Variants in CCDC63 observed in about 807,000 individuals in gnomAD.
CCDC63 encodes coiled-coil domain containing 63, also known as coiled-coil domain-containing protein 63.
In CCDC63, 54 loss-of-function variants were observed where a neutral mutation model predicts 63.6. That is an observed-to-expected ratio of 0.85 (90% CI 0.68 to 1.07). CCDC63 has a LOEUF of 1.07. Among genes scored for constraint, CCDC63 ranks in the 50% least tolerant of loss-of-function variants. The pLI is 0.00. For synonymous variants in CCDC63, 253 were observed against 266.1 expected (o/e 0.95, Z 0.48); for missense variants, 637 against 689.6 (o/e 0.92, Z 0.86).
intron 10 of CCDC63, among the ~76,000 whole-genome samples, chr12:110,901,444 C>T (rs913959283): frequency 6.6e-6 from 1 of 151,652 alleles, no homozygotes; most frequent in African/African-American, 2.4e-5. Context: ...CCCAGGCTGG[C>T]CTCGAACCCC....
chr12:110,875,360 G>A (rs2071117126), intron 5 of CCDC63, among the ~76,000 whole-genome samples: 1 of 152,180 alleles, frequency 6.6e-6, no homozygotes, highest in African/African-American at 2.4e-5. Context: ...TGCCTGGCAT[G>A]GTGTTTAATG....
At chr12:110,853,704 C>A in intron 3 of CCDC63, 130 bp downstream of exon 3, 1 of 947,840 alleles carries the variant, frequency 1.1e-6, no homozygotes, top group Non-Finnish European at 1.6e-6. Context: ...GGAGGATCCA[C>A]GGTCTTTTAT....
intron 4 of CCDC63, among the ~76,000 whole-genome samples, chr12:110,867,310 G>T (rs1270458135): frequency 3.0e-5 from 2 of 67,284 alleles, no homozygotes; most frequent in Admixed American, 1.5e-4. Flanking sequence ...GGGCAGAGGC[G>T]CCCCTCACCT....
At chr12:110,852,475 T>G (rs2070716275) in intron 1 of CCDC63, among the ~76,000 whole-genome samples, 1 of 152,150 alleles carries the variant, frequency 6.6e-6, no homozygotes. Flanking sequence ...TTGACCAGGC[T>G]GGTATCGAAC....
intron 5 of CCDC63, 97 bp downstream of exon 5, chr12:110,874,058 T>TAA: frequency 6.9e-7 from 1 of 1,456,430 alleles, no homozygotes; most frequent in Non-Finnish European, 9.2e-7. Flanking sequence ...AACATACCCA[T>TAA]TTCCCTGGTT....
intron 5 of CCDC63, among the ~76,000 whole-genome samples, chr12:110,877,895 T>A (rs537980466): frequency 9.2e-5 from 14 of 151,488 alleles, no homozygotes; most frequent in African/African-American, 3.2e-4. Flanking sequence ...TTAGTAGAGA[T>A]GGGGTTTCAC....
At position 110,907,048 on chromosome 12, in the gene CCDC63, T is replaced by C. The variant is rs949777575; in HGVS notation, c.1547-283T>C. Among the ~76,000 whole-genome samples, 13 of 152,190 alleles carry C rather than the reference T, an allele frequency of 8.5e-5. No individual in the cohort carries two copies. The highest frequency in any genetic ancestry group is 3.1e-4 in the African/African-American group (13 of 41,440). On this transcript the variant is annotated intron_variant, in intron 11 of 11. Coordinates refer to ENST00000308208, the MANE Select transcript of CCDC63 (RefSeq NM_152591.3). The surrounding 1 kb of genome is among the most constrained non-coding windows in gnomAD (Gnocchi z 4.4). ...GGATTTCAGCCCATCCATCTACCGC[T>C]CTCCTCAGGTGTCTTTGTGCAGTGC...
chr12:110,884,066 G>A lies in CCDC63; in HGVS notation c.890G>A (p.Gly297Glu). ...KAKKHVKKNR[G>E]ESFESYEVAH... Reference sequence around the variant, plus strand: ...AAGAAGCATGTCAAGAAGAACAGGGGAGAGAGTTTTGAGAGCTATGAGGTG... The same window carrying A: ...AAGAAGCATGTCAAGAAGAACAGGGAAGAGAGTTTTGAGAGCTATGAGGTG... Residue 297 changes from glycine to glutamate, a missense_variant, in exon 8 of 12, where the codon GGA (glycine) becomes GAA (glutamate). Physicochemically the swap from Gly to Glu is moderately conservative, Grantham distance 98. Coordinates refer to ENST00000308208, the MANE Select transcript of CCDC63 (RefSeq NM_152591.3). 6.2e-7 allele frequency: 1 copy of A among 1,614,170 alleles called. No individual in the cohort carries two copies. Among genetic ancestry groups the A allele is most frequent in the Non-Finnish European group, 8.5e-7 (1 of 1,180,018 alleles).
At chr12:110,853,993 A>G (rs1234531859) in intron 3 of CCDC63, among the ~76,000 whole-genome samples, 1 of 152,046 alleles carries the variant, frequency 6.6e-6, no homozygotes, top group Non-Finnish European at 1.5e-5. Flanking sequence ...ATCAATTCCA[A>G]CCTCACATTC....
At chr12:110,903,965 T>A (rs2071524288) in intron 10 of CCDC63, among the ~76,000 whole-genome samples, 1 of 152,208 alleles carries the variant, frequency 6.6e-6, no homozygotes, top group Admixed American at 6.5e-5. Context: ...TCTCTAGACA[T>A]ATTTTCCTAA....
At chr12:110,869,748 A>G (rs2071039512) in intron 4 of CCDC63, among the ~76,000 whole-genome samples, 1 of 152,164 alleles carries the variant, frequency 6.6e-6, no homozygotes, top group African/African-American at 2.4e-5. Context: ...TTTTCCTGCC[A>G]GCCATGGCAG....
chr12:110,845,623 C>CT (rs1219519507), upstream of CCDC63: 1 of 152,138 alleles, frequency 6.6e-6, no homozygotes, highest in Non-Finnish European at 1.5e-5. Context: ...TTGATCTGGA[C>CT]TGTGTGGCCC....
In CCDC63 at chr12:110,893,252, G is replaced by T. The variant is rs567406096; in HGVS notation, c.1149+102G>T. 3.5e-5 allele frequency: 32 copies of T among 913,416 alleles called. No individual in the cohort carries two copies. In the African/African-American group the frequency reaches 4.5e-4, roughly 13 times the overall value. The allele number at this position is 913,416 out of a possible 1,614,324, so 56.6% of individuals were successfully genotyped here. ...TCTGTCCGTCGGGCATCTGTCAGCT[G>T]CTTCTCAGGAGCAGTAAGAGGTCTG... is the stretch of plus-strand genomic sequence containing the variant. On this transcript the variant is annotated intron_variant, in intron 9 of 11. Transcript: ENST00000308208.
At chr12:110,844,884 G>A (rs1333578656), upstream of CCDC63, among the ~76,000 whole-genome samples, 1 of 152,184 alleles carries the variant, frequency 6.6e-6, no homozygotes, top group African/African-American at 2.4e-5. Context: ...TAACCAAAGA[G>A]TCACTTGGAC....
At chr12:110,866,664 G>A (rs1193511230) in intron 4 of CCDC63, among the ~76,000 whole-genome samples, 4 of 151,410 alleles carry the variant, frequency 2.6e-5, no homozygotes, top group Non-Finnish European at 5.9e-5. Flanking sequence ...GTATCCCAAG[G>A]CAGAGGAATT....
chr12:110,865,229 C>T (rs35748628), intron 4 of CCDC63, among the ~76,000 whole-genome samples: 1 of 151,876 alleles, frequency 6.6e-6, no homozygotes, highest in Non-Finnish European at 1.5e-5. Flanking sequence ...TCTGCCAGCT[C>T]TCTGGCTCTG....
chr12:110,894,767 G>T (rs1019391729), intron 9 of CCDC63, among the ~76,000 whole-genome samples: 17 of 152,150 alleles, frequency 1.1e-4, no homozygotes, highest in Admixed American at 1.3e-4. Flanking sequence ...ACATCTTGGC[G>T]TTTGGAACAG....
chr12:110,907,405 A>C lies in CCDC63; in HGVS notation c.1621A>C (p.Lys541Gln), dbSNP rs771192314. Residue 541 changes from lysine (K) to glutamine (Q), a missense_variant, in exon 12 of 12, where the codon AAG (lysine) becomes CAG (glutamine). Lys to Gln is a moderately conservative substitution (Grantham distance 53). Coordinates refer to ENST00000308208, the MANE Select transcript of CCDC63 (RefSeq NM_152591.3). This position sits in a 1 kb window ranked among gnomAD's most constrained non-coding sequence, Gnocchi z 4.4. ...DNYILKENRS[K>Q]EVRGDSLPEK... ...TTATATCCTGAAGGAGAATCGGAGTAAGGAAGTGCGCGGAGACAGCCTGCC... is the reference window on the plus strand; with the variant it reads ...TTATATCCTGAAGGAGAATCGGAGTCAGGAAGTGCGCGGAGACAGCCTGCC... The C allele has an allele frequency of 6.2e-7, 1 of 1,614,056 alleles. No homozygotes were observed. The highest frequency in any genetic ancestry group is 8.5e-7 in the Non-Finnish European group (1 of 1,180,036).
At chr12:110,881,557 T>C (rs1373283902) in intron 7 of CCDC63, among the ~76,000 whole-genome samples, 2 of 152,028 alleles carry the variant, frequency 1.3e-5, no homozygotes, top group Admixed American at 1.3e-4. Flanking sequence ...CCGTCTCTAC[T>C]AAAAATACAA....
Sources: allele counts gnomAD v4.1 joint callset (sites outside exome capture counted in the v4.1 genomes callset), GRCh38; gene constraint gnomAD v4.1.1; non-coding constraint Gnocchi (gnomAD v3.1); transcripts MANE v1.5; gene names NCBI Gene and HGNC (gene_info 2026-07-23, HGNC 2026-07-21).